Variants in SEC22A observed in about 807,000 individuals in gnomAD.
SEC22A encodes vesicle-trafficking protein SEC22a.
A neutral mutation model predicts 35.3 loss-of-function variants in SEC22A; 22 were observed. The observed-to-expected ratio is 0.62, with a 90% CI of 0.45 to 0.89. SEC22A has a LOEUF of 0.89. Ranked by LOEUF, SEC22A falls within the 40% of genes least tolerant of loss-of-function variation. The pLI is 0.00. For synonymous variants in SEC22A, 119 were observed against 129.5 expected (o/e 0.92, Z 0.55); for missense variants, 354 against 362.5 (o/e 0.98, Z 0.19).
intron 4 of SEC22A, among the ~76,000 whole-genome samples, chr3:123,232,862 G>A (rs974300489): frequency 6.6e-6 from 1 of 152,190 alleles, no homozygotes; most frequent in South Asian, 2.1e-4. Flanking sequence ...GCCAGGCGCT[G>A]TGGTTCATGC....
chr3:123,250,937 T>C (rs989180751), intron 5 of SEC22A, among the ~76,000 whole-genome samples: 1 of 152,258 alleles, frequency 6.6e-6, no homozygotes, highest in African/African-American at 2.4e-5. Flanking sequence ...TATATATTTA[T>C]GTGTATCTTT....
At chr3:123,258,146 G>A (rs1011077388) in intron 5 of SEC22A, among the ~76,000 whole-genome samples, 2 of 152,078 alleles carry the variant, frequency 1.3e-5, no homozygotes, top group Non-Finnish European at 2.9e-5. Context: ...ATTACAAATC[G>A]TGTGGTTGAG....
chr3:123,255,544 C>T (rs550278602), intron 5 of SEC22A, among the ~76,000 whole-genome samples: 2 of 152,226 alleles, frequency 1.3e-5, no homozygotes, highest in East Asian at 3.9e-4. Context: ...TTGATATTTT[C>T]ACAGAAAAGT....
chr3:123,234,705 CTT>C (rs758245756), intron 4 of SEC22A, among the ~76,000 whole-genome samples: 80 of 152,062 alleles, frequency 5.3e-4, no homozygotes, highest in South Asian at 1.0e-3. Context: ...GTTTTTAAGA[CTT>C]AACACCAAAA....
intron 6 of SEC22A, among the ~76,000 whole-genome samples, chr3:123,269,179 A>ATGTGTGTG (rs200267944): frequency 0.015 from 1,808 of 120,672 alleles, 50 homozygotes; most frequent in African/African-American, 0.05. Flanking sequence ...AATTAAATAT[A>ATGTGTGTG]TGTGTGTGTG....
intron 2 of SEC22A, among the ~76,000 whole-genome samples, chr3:123,211,707 C>T (rs998835511): frequency 8.5e-5 from 13 of 152,212 alleles, no homozygotes; most frequent in Middle Eastern, 3.4e-3. Context: ...GATCCTCCTG[C>T]TTGGCCTCCC....
intron 4 of SEC22A, among the ~76,000 whole-genome samples, chr3:123,230,173 C>G (rs1024844207): frequency 6.6e-6 from 1 of 152,060 alleles, no homozygotes; most frequent in African/African-American, 2.4e-5. Flanking sequence ...CTTCTACTCT[C>G]TACTCTTAAC....
chr3:123,255,060 G>A (rs1463289380), intron 5 of SEC22A, among the ~76,000 whole-genome samples: 1 of 152,040 alleles, frequency 6.6e-6, no homozygotes, highest in Non-Finnish European at 1.5e-5. Flanking sequence ...GCCAAATACA[G>A]CAGAAACTCT....
chr3:123,254,046 A>G (rs1937666675), intron 5 of SEC22A, among the ~76,000 whole-genome samples: 1 of 152,188 alleles, frequency 6.6e-6, no homozygotes, highest in Non-Finnish European at 1.5e-5. Flanking sequence ...CCAAATTTTC[A>G]TACATGTACA....
At chr3:123,226,838 A>T (rs1198824352) in intron 4 of SEC22A, among the ~76,000 whole-genome samples, 1 of 152,206 alleles carries the variant, frequency 6.6e-6, no homozygotes, top group African/African-American at 2.4e-5. Flanking sequence ...TAGTAACTTC[A>T]TGGTTTGAGG....
At chr3:123,236,493 T>C (rs1937420888) in intron 4 of SEC22A, among the ~76,000 whole-genome samples, 1 of 152,204 alleles carries the variant, frequency 6.6e-6, no homozygotes, top group African/African-American at 2.4e-5. Context: ...AGCTACTTTT[T>C]CCTTTGGTGC....
chr3:123,245,010 T>C (rs1937555106), intron 4 of SEC22A, among the ~76,000 whole-genome samples: 1 of 152,182 alleles, frequency 6.6e-6, no homozygotes, highest in African/African-American at 2.4e-5. Context: ...CTTATTCAGC[T>C]GGTGTTTTGT....
At chr3:123,221,009 G>A (rs375430028) in intron 2 of SEC22A, among the ~76,000 whole-genome samples, 307 of 151,406 alleles carry the variant, frequency 2.0e-3, no homozygotes, top group Non-Finnish European at 3.9e-3. Flanking sequence ...GGGTATCTGG[G>A]CAAGAGTGAT....
intron 5 of SEC22A, 141 bp downstream of exon 5, chr3:123,246,155 CCTT>C (rs1394678585): frequency 3.7e-6 from 2 of 546,388 alleles, no homozygotes; most frequent in Non-Finnish European, 6.5e-6. Context: ...GCTTTAGCCT[CCTT>C]CTAAAAACAC....
intron 2 of SEC22A, among the ~76,000 whole-genome samples, chr3:123,216,184 G>A (rs1937019483): frequency 6.6e-6 from 1 of 152,096 alleles, no homozygotes. Flanking sequence ...AGTTTCTGTG[G>A]GAAAATGAGA....
intron 5 of SEC22A, among the ~76,000 whole-genome samples, chr3:123,248,003 C>G (rs1037602964): frequency 6.6e-6 from 1 of 152,098 alleles, no homozygotes; most frequent in Non-Finnish European, 1.5e-5. Context: ...TGACAAAATC[C>G]AAACCCCATC....
intron 5 of SEC22A, among the ~76,000 whole-genome samples, chr3:123,250,152 C>G (rs1403902353): frequency 6.6e-6 from 1 of 152,098 alleles, no homozygotes; most frequent in Non-Finnish European, 1.5e-5. Flanking sequence ...TGGCTCGCAC[C>G]TGTAATCCCA....
intron 2 of SEC22A, among the ~76,000 whole-genome samples, chr3:123,217,685 T>C (rs1445754159): frequency 1.2e-4 from 19 of 152,252 alleles, no homozygotes; most frequent in Admixed American, 1.2e-3. Flanking sequence ...ACATGTTATA[T>C]GTAATACAAA....
intron 4 of SEC22A, among the ~76,000 whole-genome samples, chr3:123,242,811 C>A (rs1268001191): frequency 6.6e-6 from 1 of 152,176 alleles, no homozygotes; most frequent in Admixed American, 6.5e-5. Context: ...AGAAGTTAGT[C>A]ATTTCTACCT....
Sources: gnomAD v4.1 joint callset for allele counts (sites outside exome capture counted in the v4.1 genomes callset) on GRCh38, gnomAD v4.1.1 for gene constraint, MANE v1.5 for transcripts, NCBI Gene and HGNC (gene_info 2026-07-23, HGNC 2026-07-21) for gene names.